The following SHANK2 variants were observed in gnomAD, a reference collection of about 807,000 sequenced individuals.
The protein encoded by SHANK2 is SH3 and multiple ankyrin repeat domains protein 2.
A neutral mutation model predicts 133.7 loss-of-function variants in SHANK2; 43 were observed. That is an observed-to-expected ratio of 0.32 (90% CI 0.25 to 0.41). The LOEUF (loss-of-function observed/expected upper bound fraction) is 0.41. Ranked by LOEUF, SHANK2 falls within the 10% of genes least tolerant of loss-of-function variation. SHANK2 has a pLI of 1.00. For synonymous variants in SHANK2, 1,017 were observed against 952.8 expected (o/e 1.07, Z -1.24); for missense variants, 1,994 against 2,235.8 (o/e 0.89, Z 2.18).
intron 6 of SHANK2, among the ~76,000 whole-genome samples, chr11:71,102,058 T>C (rs1555096735): frequency 6.6e-6 from 1 of 152,214 alleles, no homozygotes; most frequent in African/African-American, 2.4e-5. Flanking sequence ...TTTCTAGCTT[T>C]ATTAGCCAGA....
At chr11:71,079,907 GA>G (rs1565438992) in intron 8 of SHANK2, among the ~76,000 whole-genome samples, 6 of 88,286 alleles carry the variant, frequency 6.8e-5, no homozygotes, top group Admixed American at 1.1e-4. Context: ...AAGGGGAGGG[GA>G]GGGGAAGGAA....
chr11:71,151,285 G>C (rs570038366), intron 2 of SHANK2, among the ~76,000 whole-genome samples: 3 of 148,696 alleles, frequency 2.0e-5, no homozygotes, highest in African/African-American at 7.6e-5. Context: ...CCAACACTAT[G>C]TCCAATTAGG....
intron 11 of SHANK2, among the ~76,000 whole-genome samples, chr11:70,877,724 G>A (rs573260044): frequency 6.6e-6 from 1 of 152,314 alleles, no homozygotes; most frequent in African/African-American, 2.4e-5. Flanking sequence ...TCTGGCCAGA[G>A]CAACAAGGAG....
chr11:71,203,708 C>T (rs1954067391), intron 2 of SHANK2, among the ~76,000 whole-genome samples: 1 of 152,224 alleles, frequency 6.6e-6, no homozygotes, highest in African/African-American at 2.4e-5. Flanking sequence ...CACCTGGGGC[C>T]TTGAGTGACA....
chr11:70,888,517 C>A (rs1949782669), intron 11 of SHANK2, among the ~76,000 whole-genome samples: 1 of 152,116 alleles, frequency 6.6e-6, no homozygotes, highest in Admixed American at 6.6e-5. Flanking sequence ...GGTTTGAGGT[C>A]AAGAACAGAG....
intron 14 of SHANK2, among the ~76,000 whole-genome samples, chr11:70,720,705 T>C (rs911028072): frequency 6.6e-6 from 1 of 152,244 alleles, no homozygotes; most frequent in Non-Finnish European, 1.5e-5. Flanking sequence ...TGTGTGTTCT[T>C]GCGGTATACA....
rs1216059091 is a variant in SHANK2, at chr11:71,147,113, G to A, written c.207+7C>T. Reference sequence around the variant, plus strand: ...ATGTGAACCAAAGGGCAGACCACGGGGCTCACCGTCTGCTGCAGGTCATGG... The same window carrying A: ...ATGTGAACCAAAGGGCAGACCACGGAGCTCACCGTCTGCTGCAGGTCATGG... On this transcript the variant is annotated splice_region_variant and intron_variant, in intron 3 of 25. Coordinates refer to ENST00000601538, the MANE Select transcript of SHANK2 (RefSeq NM_012309.5). The A allele has an allele frequency of 1.2e-5, 19 of 1,543,682 alleles. No homozygotes were observed. The highest frequency in any genetic ancestry group is 1.7e-5 in the Non-Finnish European group (19 of 1,145,088).
chr11:71,222,721 C>T (rs1161059771), intron 2 of SHANK2, among the ~76,000 whole-genome samples: 3 of 152,242 alleles, frequency 2.0e-5, no homozygotes, highest in Non-Finnish European at 2.9e-5. Context: ...GTGCTCCTTC[C>T]TGGGTGGACA....
chr11:70,933,183 A>G (rs1555082806), intron 10 of SHANK2: 1 of 456,612 alleles, frequency 2.2e-6, no homozygotes, highest in African/African-American at 2.0e-5. Flanking sequence ...TTATTCGGCC[A>G]TGAAAAAGCA....
Position 70,804,257 on chromosome 11 carries a change from C to T in SHANK2, c.1663+2745G>A, listed in dbSNP as rs1011643524. ...CTGCAGGCAGTGGATCGGCTCGACC[C>T]GCCCGCCTCTAAGCACTGCCATGCA... On this transcript the variant is annotated intron_variant, in intron 13 of 25. Transcript: ENST00000601538. The surrounding 1 kb of genome is among the most constrained non-coding windows in gnomAD (Gnocchi z 4.1). Among the ~76,000 whole-genome samples, 38 of 152,250 alleles carry T rather than the reference C, an allele frequency of 2.5e-4. No homozygotes were observed. The highest frequency in any genetic ancestry group is 8.2e-4 in the African/African-American group (34 of 41,584).
intron 17 of SHANK2, among the ~76,000 whole-genome samples, chr11:70,598,621 A>G (rs1454095447): frequency 6.6e-6 from 1 of 152,206 alleles, no homozygotes; most frequent in Non-Finnish European, 1.5e-5. Flanking sequence ...TCAGAAAGGA[A>G]AATTACAGAC....
At chr11:70,953,912 G>A (rs1045882704) in intron 10 of SHANK2, among the ~76,000 whole-genome samples, 4 of 152,170 alleles carry the variant, frequency 2.6e-5, no homozygotes, top group Non-Finnish European at 5.9e-5. Context: ...CCAGGGAGCT[G>A]GGCCAGCTCC....
intron 17 of SHANK2, among the ~76,000 whole-genome samples, chr11:70,638,900 G>C (rs1403863890): frequency 2.6e-5 from 4 of 152,142 alleles, no homozygotes; most frequent in African/African-American, 9.7e-5. Flanking sequence ...GGGAGGCTGA[G>C]GCAGGAGAAG....
intron 2 of SHANK2, among the ~76,000 whole-genome samples, chr11:71,210,216 AT>A (rs1954229866): frequency 2.5e-5 from 1 of 40,098 alleles, no homozygotes; most frequent in Non-Finnish European, 4.7e-5. Context: ...ACAGGTATAT[AT>A]ATATATATAT....
At chr11:70,499,517 A>G (rs1300985671) in intron 21 of SHANK2, among the ~76,000 whole-genome samples, 2 of 152,224 alleles carry the variant, frequency 1.3e-5, no homozygotes, top group African/African-American at 2.4e-5. Context: ...TGTTCTGGCA[A>G]CTGGGTCCCT....
At chr11:70,834,891 G>A (rs1384188563) in intron 11 of SHANK2, among the ~76,000 whole-genome samples, 1 of 151,988 alleles carries the variant, frequency 6.6e-6, no homozygotes, top group Non-Finnish European at 1.5e-5. Flanking sequence ...TCTCTCCCTG[G>A]TTGGAGAGCT....
intron 21 of SHANK2, 74 bp from the exon 22 acceptor site, chr11:70,492,539 G>T: frequency 6.3e-7 from 1 of 1,589,810 alleles, no homozygotes; most frequent in Non-Finnish European, 8.6e-7. Context: ...AAGCGCACAG[G>T]TGCAGCAGCC....
chr11:70,863,150 C>A, intron 11 of SHANK2: 1 of 360,214 alleles, frequency 2.8e-6, no homozygotes, highest in Non-Finnish European at 5.5e-6. Context: ...GGACAAATCT[C>A]AAAAATAATT....
chr11:70,857,097 G>A (rs782469299), intron 11 of SHANK2, among the ~76,000 whole-genome samples: 3 of 152,160 alleles, frequency 2.0e-5, no homozygotes, highest in Non-Finnish European at 2.9e-5. Flanking sequence ...TTTCCCTGAC[G>A]ATGGCCCCAG....
Sources: gnomAD v4.1 joint callset for allele counts (sites outside exome capture counted in the v4.1 genomes callset) on GRCh38, gnomAD v4.1.1 for gene constraint, Gnocchi (gnomAD v3.1) non-coding constraint, MANE v1.5 for transcripts, NCBI Gene and HGNC (gene_info 2026-07-23, HGNC 2026-07-21) for gene names.